VEPH1: variants seen among roughly 807,000 people sequenced by gnomAD.
The protein encoded by VEPH1 is ventricular zone-expressed PH domain-containing protein homolog 1.
A neutral mutation model predicts 85.2 loss-of-function variants in VEPH1; 80 were observed. That is an observed-to-expected ratio of 0.94 (90% CI 0.78 to 1.13). The LOEUF (loss-of-function observed/expected upper bound fraction) is 1.13, where lower values mean the gene tolerates loss of function less well. Ranked by LOEUF, VEPH1 falls within the 50% of genes most tolerant of loss-of-function variation. The pLI is 0.00. For synonymous variants in VEPH1, 297 were observed against 348.0 expected, an observed-to-expected ratio of 0.85 and a Z score of 1.63; for missense variants, 955 against 980.5, an observed-to-expected ratio of 0.97 and a Z score of 0.35.
intron 6 of VEPH1, among the ~76,000 whole-genome samples, chr3:157,401,461 C>T (rs1348290575): frequency 1.3e-5 from 2 of 152,026 alleles, no homozygotes; most frequent in East Asian, 3.8e-4. Flanking sequence ...TTCTTTGCAC[C>T]TACTTATTTT....
intron 11 of VEPH1, among the ~76,000 whole-genome samples, chr3:157,296,028 G>A (rs762984121): frequency 2.0e-5 from 3 of 152,066 alleles, no homozygotes; most frequent in East Asian, 1.9e-4. Context: ...TGAAATGAAC[G>A]AGCTAGCTCT....
intron 9 of VEPH1, among the ~76,000 whole-genome samples, chr3:157,321,317 T>C (rs1042423098): frequency 6.6e-6 from 1 of 152,172 alleles, no homozygotes; most frequent in Non-Finnish European, 1.5e-5. Context: ...ATATGTTTGC[T>C]GAAACTGCCA....
At chr3:157,270,319 AG>A (rs1714378361) in intron 12 of VEPH1, among the ~76,000 whole-genome samples, 1 of 151,956 alleles carries the variant, frequency 6.6e-6, no homozygotes, top group Non-Finnish European at 1.5e-5. Context: ...CAAAAAACAA[AG>A]CACCACAATT....
intron 6 of VEPH1, among the ~76,000 whole-genome samples, chr3:157,406,843 A>C (rs2039355074): frequency 6.6e-6 from 1 of 152,128 alleles, no homozygotes; most frequent in African/African-American, 2.4e-5. Context: ...GGGGCATGGT[A>C]ATGAAGTGCA....
chr3:157,360,828 A>G (rs1013355475), intron 9 of VEPH1, among the ~76,000 whole-genome samples: 12 of 152,176 alleles, frequency 7.9e-5, no homozygotes, highest in African/African-American at 2.9e-4. Flanking sequence ...AAACCACCAT[A>G]AATCAGGGAC....
chr3:157,432,543 G>A (rs2316707), intron 4 of VEPH1, among the ~76,000 whole-genome samples: 15,765 of 151,964 alleles, frequency 0.1, 1,281 homozygotes, highest in South Asian at 0.24. Flanking sequence ...TTTTTCTATT[G>A]AGTAGTCAAT....
At chr3:157,442,362 C>T (rs773320106) in intron 4 of VEPH1, 50 of 1,599,298 alleles carry the variant, frequency 3.1e-5, no homozygotes, top group Non-Finnish European at 4.2e-5. Context: ...TCTTGCTACT[C>T]TAGGTTGTGA....
chr3:157,427,876 T>C (rs924813404), intron 5 of VEPH1, among the ~76,000 whole-genome samples: 4 of 152,184 alleles, frequency 2.6e-5, no homozygotes, highest in Non-Finnish European at 5.9e-5. Context: ...TTTGAATGGG[T>C]AGACTGAATA....
At chr3:157,500,387 T>C (rs768910184) in intron 1 of VEPH1, among the ~76,000 whole-genome samples, 4 of 152,210 alleles carry the variant, frequency 2.6e-5, no homozygotes, top group Non-Finnish European at 5.9e-5. Context: ...CTCATCTTTG[T>C]GCTCACTAGG....
chr3:157,463,717 C>T (rs117050955), intron 3 of VEPH1, among the ~76,000 whole-genome samples: 1,731 of 152,298 alleles, frequency 0.011, 25 homozygotes, highest in East Asian at 0.067. Context: ...AAGGCTGGTA[C>T]ATAACCAGGC....
At chr3:157,365,518 C>T (rs191757183) in intron 7 of VEPH1, among the ~76,000 whole-genome samples, 36 of 152,162 alleles carry the variant, frequency 2.4e-4, no homozygotes, top group African/African-American at 7.7e-4. Context: ...CTAACACTAA[C>T]GACCTGGAAT....
At chr3:157,481,465 C>CAAAAAAAA (rs1553796737) in intron 2 of VEPH1, among the ~76,000 whole-genome samples, 1 of 63,340 alleles carries the variant, frequency 1.6e-5, no homozygotes, top group Admixed American at 2.0e-4. Flanking sequence ...CACACACACA[C>CAAAAAAAA]AAAAAAAAAA....
At chr3:157,471,955 A>G (rs542126479) in intron 2 of VEPH1, among the ~76,000 whole-genome samples, 1 of 152,312 alleles carries the variant, frequency 6.6e-6, no homozygotes, top group South Asian at 2.1e-4. Flanking sequence ...TAATACATAA[A>G]CATCGTACAA....
At position 157,495,423 on chromosome 3, in the gene VEPH1, G is replaced by A; in HGVS notation, c.-74C>T. ...TGTTCCAGTTATCAGAGGTCAGTAA[G>A]ACAAAAACATGTAGAAGGAGGTATA... On this transcript the variant is annotated 5_prime_UTR_variant, in exon 2 of 14. Transcript: ENST00000362010. The A allele has an allele frequency of 6.4e-7, 1 of 1,571,080 alleles. No homozygotes were observed. The highest frequency in any genetic ancestry group is 1.9e-5 in the Admixed American group (1 of 51,966).
At chr3:157,369,466 C>T (rs1727237842) in intron 7 of VEPH1, among the ~76,000 whole-genome samples, 1 of 152,220 alleles carries the variant, frequency 6.6e-6, no homozygotes, top group South Asian at 2.1e-4. Context: ...TCTGCACAAT[C>T]TCCCTTGGTT....
At chr3:157,346,117 T>G (rs912521275) in intron 9 of VEPH1, among the ~76,000 whole-genome samples, 5 of 152,140 alleles carry the variant, frequency 3.3e-5, no homozygotes, top group African/African-American at 1.2e-4. Context: ...ACATGGCACA[T>G]GTATACATAA....
At position 157,363,678 on chromosome 3, in the gene VEPH1, G is replaced by T. The variant is rs1726306588; in HGVS notation, c.1421C>A (p.Pro474Gln). The part of the protein sequence containing the change: ...DGEDENRGDI[P>Q]ASISLSEIDP... ...TATTTCTGAAAGAGAGATGCTGGCT[G>T]GTATGTCTCCCCTGTTTTCATCTTC... The change falls in exon 9 of 14, where the codon CCA becomes CAA. Residue 474 changes from proline to glutamine, a missense_variant. Physicochemically the swap from Pro to Gln is moderately conservative, Grantham distance 76 (BLOSUM62 -1). Coordinates refer to ENST00000362010, the MANE Select transcript of VEPH1 (RefSeq NM_001167912.2). 3 of 1,614,032 alleles carry T rather than the reference G, an allele frequency of 1.9e-6. No individual in the cohort carries two copies. Among genetic ancestry groups the T allele is most frequent in the Non-Finnish European group, 2.5e-6 (3 of 1,179,998 alleles).
chr3:157,345,966 G>A (rs1308806342), intron 9 of VEPH1, among the ~76,000 whole-genome samples: 3 of 151,784 alleles, frequency 2.0e-5, no homozygotes, highest in African/African-American at 7.3e-5. Context: ...ACTCATAGGT[G>A]GGAATTGAAC....
intron 3 of VEPH1, among the ~76,000 whole-genome samples, chr3:157,469,961 T>C (rs1176756945): frequency 6.6e-6 from 1 of 152,228 alleles, no homozygotes; most frequent in Non-Finnish European, 1.5e-5. Context: ...CTGCTTCTAC[T>C]GTGTTCTCCT....
Sources: gnomAD v4.1 joint callset for allele counts (sites outside exome capture counted in the v4.1 genomes callset) on GRCh38, gnomAD v4.1.1 for gene constraint, MANE v1.5 for transcripts, NCBI Gene and HGNC (gene_info 2026-07-23, HGNC 2026-07-21) for gene names.